The following CSMD1 variants were observed in gnomAD, a reference collection of about 807,000 sequenced individuals.
CSMD1 encodes CUB and Sushi multiple domains 1.
Under a neutral mutation model 417.5 loss-of-function variants are expected in CSMD1, and 213 were observed. That is an observed-to-expected ratio of 0.51 (90% confidence interval 0.46 to 0.57). The LOEUF (loss-of-function observed/expected upper bound fraction) is 0.57. Ranked by LOEUF, CSMD1 falls within the 20% of genes least tolerant of loss-of-function variation. The pLI is 0.00. For synonymous variants in CSMD1, 2,862 were observed against 1,736.8 expected (o/e 1.65, Z -16.11); for missense variants, 6,923 against 4,529.7 (o/e 1.53, Z -15.17).
chr8:3,457,046 C>A (rs970414862), intron 12 of CSMD1, among the ~76,000 whole-genome samples: 4 of 151,728 alleles, frequency 2.6e-5, no homozygotes, highest in African/African-American at 7.3e-5. Flanking sequence ...CTGTACCCCT[C>A]ATTCTGTACT....
chr8:3,661,927 G>A (rs1459278898), intron 7 of CSMD1, among the ~76,000 whole-genome samples: 1 of 152,174 alleles, frequency 6.6e-6, no homozygotes, highest in South Asian at 2.1e-4. Flanking sequence ...ATAGCAAAGA[G>A]GAGTAAGATT....
intron 23 of CSMD1, among the ~76,000 whole-genome samples, chr8:3,310,928 G>C (rs994715261): frequency 2.0e-5 from 3 of 152,178 alleles, no homozygotes; most frequent in Non-Finnish European, 4.4e-5. Flanking sequence ...TGCACGTAAT[G>C]CTTCTAAACT....
At chr8:4,236,189 C>T (rs1802048420) in intron 3 of CSMD1, among the ~76,000 whole-genome samples, 1 of 151,948 alleles carries the variant, frequency 6.6e-6, no homozygotes, top group Non-Finnish European at 1.5e-5. Context: ...ACGGACAACA[C>T]ATGATGTACG....
At chr8:4,243,404 C>G (rs1802516364) in intron 3 of CSMD1, among the ~76,000 whole-genome samples, 1 of 152,146 alleles carries the variant, frequency 6.6e-6, no homozygotes. Context: ...ATGACTCATC[C>G]TCTACTGACC....
intron 3 of CSMD1, among the ~76,000 whole-genome samples, chr8:4,097,989 T>A (rs1017566810): frequency 4.6e-5 from 7 of 152,152 alleles, no homozygotes; most frequent in Non-Finnish European, 1.5e-5. Flanking sequence ...GTGGATCAGA[T>A]GGAAATGAAC....
intron 3 of CSMD1, among the ~76,000 whole-genome samples, chr8:4,240,253 C>A (rs1233269379): frequency 1.3e-5 from 2 of 152,224 alleles, no homozygotes; most frequent in Non-Finnish European, 2.9e-5. Context: ...TCATGAGGGG[C>A]TGGCAGCCTT....
intron 2 of CSMD1, among the ~76,000 whole-genome samples, chr8:4,596,115 G>A (rs1027297098): frequency 1.3e-5 from 2 of 152,080 alleles, no homozygotes; most frequent in Non-Finnish European, 2.9e-5. Context: ...TTGTAATAAT[G>A]AATGTAGTTC....
At chr8:4,958,952 T>C (rs1041392465) in intron 1 of CSMD1, among the ~76,000 whole-genome samples, 2 of 152,130 alleles carry the variant, frequency 1.3e-5, no homozygotes, top group Admixed American at 6.6e-5. Context: ...CTTCCTTAGG[T>C]CTTGTGAGAA....
intron 7 of CSMD1, among the ~76,000 whole-genome samples, chr8:3,676,056 T>C (rs928748245): frequency 5.3e-5 from 8 of 152,230 alleles, no homozygotes; most frequent in Non-Finnish European, 1.2e-4. Flanking sequence ...TAGGAAGTCA[T>C]CATTTGATTA....
intron 3 of CSMD1, among the ~76,000 whole-genome samples, chr8:4,349,553 A>C (rs991835830): frequency 6.6e-6 from 1 of 152,126 alleles, no homozygotes; most frequent in Non-Finnish European, 1.5e-5. Context: ...ATGCTTTTTT[A>C]TATTAGGTGA....
intron 3 of CSMD1, among the ~76,000 whole-genome samples, chr8:4,158,663 C>T (rs913242098): frequency 1.4e-4 from 22 of 152,050 alleles, no homozygotes; most frequent in Non-Finnish European, 2.8e-4. Flanking sequence ...AGATCAACGC[C>T]GTAATAATGA....
At chr8:4,759,807 T>G (rs1000073569) in intron 1 of CSMD1, among the ~76,000 whole-genome samples, 2 of 152,262 alleles carry the variant, frequency 1.3e-5, no homozygotes, top group Non-Finnish European at 2.9e-5. Flanking sequence ...TTATCCAGTG[T>G]GTCACTGATG....
At chr8:3,527,703 G>T (rs917812137) in intron 10 of CSMD1, among the ~76,000 whole-genome samples, 2 of 152,126 alleles carry the variant, frequency 1.3e-5, no homozygotes, top group Non-Finnish European at 2.9e-5. Context: ...AGAGCAATGT[G>T]ACCCTTACCA....
chr8:3,620,753 C>T (rs1213278151), intron 7 of CSMD1, among the ~76,000 whole-genome samples: 8 of 152,042 alleles, frequency 5.3e-5, no homozygotes, highest in Non-Finnish European at 1.2e-4. Flanking sequence ...AAAGGAGGGA[C>T]AAAAATGCTG....
chr8:4,532,193 T>C (rs1478242229), intron 2 of CSMD1, among the ~76,000 whole-genome samples: 1 of 144,568 alleles, frequency 6.9e-6, no homozygotes, highest in African/African-American at 2.6e-5. Flanking sequence ...ATTCAGTCAC[T>C]CCGGAAGAGA....
intron 5 of CSMD1, among the ~76,000 whole-genome samples, chr8:3,893,359 ATATT>A (rs1395572055): frequency 2.9e-5 from 4 of 136,230 alleles, no homozygotes; most frequent in African/African-American, 1.0e-4. Context: ...ATATATATAT[ATATT>A]ATTTTTTTTC....
At chr8:3,562,387 C>T (rs58184559) in intron 10 of CSMD1, among the ~76,000 whole-genome samples, 6 of 151,784 alleles carry the variant, frequency 4.0e-5, no homozygotes, top group Admixed American at 1.3e-4. Context: ...CACACACACA[C>T]GTACACACAT....
intron 28 of CSMD1, among the ~76,000 whole-genome samples, chr8:3,220,857 A>C (rs1483064340): frequency 3.3e-5 from 5 of 151,922 alleles, no homozygotes; most frequent in Admixed American, 6.6e-5. Context: ...CCAACCAACC[A>C]AGCAACCAAC....
chr8:4,513,522 A>C (rs1191994016), intron 2 of CSMD1, among the ~76,000 whole-genome samples: 2 of 152,172 alleles, frequency 1.3e-5, no homozygotes, highest in Non-Finnish European at 2.9e-5. Flanking sequence ...TAAGTTAGAG[A>C]AGAACTCTCG....
Sources: gnomAD v4.1 joint callset for allele counts (sites outside exome capture counted in the v4.1 genomes callset) on GRCh38, gnomAD v4.1.1 for gene constraint, MANE v1.5 for transcripts, NCBI Gene and HGNC (gene_info 2026-07-23, HGNC 2026-07-21) for gene names.